The following SPRED2 variants were observed in gnomAD, a reference collection of about 807,000 sequenced individuals.
SPRED2 encodes the protein sprouty-related, EVH1 domain-containing protein 2.
A neutral mutation model predicts 43.0 loss-of-function variants in SPRED2; 47 were observed. The observed-to-expected ratio is 1.09, with a 90% CI of 0.87 to 1.40. The LOEUF (loss-of-function observed/expected upper bound fraction) is 1.40. Ranked by LOEUF, SPRED2 falls within the 40% of genes most tolerant of loss-of-function variation. The pLI is 0.00. For missense variants in SPRED2, 561 were observed against 586.4 expected, an observed-to-expected ratio of 0.96 and a Z score of 0.45; for synonymous variants, 225 against 225.7, an observed-to-expected ratio of 1.00 and a Z score of 0.03.
rs367730698 is a variant in SPRED2, at chr2:65,383,831, A to G, written c.27-38935T>C. Among the ~76,000 whole-genome samples the G allele has an allele frequency of 3.9e-4, 59 of 152,340 alleles. No homozygotes were observed. In the South Asian group the frequency reaches 4.1e-3, roughly 11 times the overall value. On this transcript the variant is annotated intron_variant, in intron 1 of 5. Coordinates refer to ENST00000356388, the MANE Select transcript of SPRED2 (RefSeq NM_181784.3). ...GGAGCCCAGCCTCAAACTCAGAGGA[A>G]ATAGGCAAGTTATAAAAACAGGAAG...
At chr2:65,428,660 T>C (rs1676608794) in intron 1 of SPRED2, among the ~76,000 whole-genome samples, 1 of 152,118 alleles carries the variant, frequency 6.6e-6, no homozygotes, top group African/African-American at 2.4e-5. Flanking sequence ...TTAGGGAAAA[T>C]ATGACTGAAA....
chr2:65,354,312 T>C (rs1674586690), intron 1 of SPRED2, among the ~76,000 whole-genome samples: 2 of 152,306 alleles, frequency 1.3e-5, no homozygotes, highest in African/African-American at 4.8e-5. Context: ...AAATAGAAGG[T>C]GGTGATACCC....
chr2:65,398,501 C>T (rs539044010), intron 1 of SPRED2, among the ~76,000 whole-genome samples: 1 of 151,962 alleles, frequency 6.6e-6, no homozygotes, highest in South Asian at 2.1e-4. Flanking sequence ...GGACTAATAT[C>T]CAGAATCTAT....
chr2:65,322,254 CTCTCTCTCTCTCTCTCTATA>C (rs1377508794), intron 4 of SPRED2, among the ~76,000 whole-genome samples: 12 of 76,870 alleles, frequency 1.6e-4, no homozygotes, highest in African/African-American at 5.6e-4. Flanking sequence ...CTCTCTCTCT[CTCTCTCTCTCTCTCTCTATA>C]TATATATATA....
downstream of SPRED2, among the ~76,000 whole-genome samples, chr2:65,309,225 G>C (rs1201091804): frequency 6.6e-6 from 1 of 151,820 alleles, no homozygotes; most frequent in Non-Finnish European, 1.5e-5. Flanking sequence ...GAAAGGGCCA[G>C]GCATGGTGGT....
intron 1 of SPRED2, among the ~76,000 whole-genome samples, chr2:65,408,777 C>T (rs1676086316): frequency 6.6e-6 from 1 of 152,226 alleles, no homozygotes; most frequent in African/African-American, 2.4e-5. Context: ...GATGGGGTTC[C>T]ACTATACTGG....
At chr2:65,321,606 AAAC>A (rs1388678913) in intron 4 of SPRED2, among the ~76,000 whole-genome samples, 1 of 152,114 alleles carries the variant, frequency 6.6e-6, no homozygotes, top group African/African-American at 2.4e-5. Context: ...ACAATGCTAA[AAAC>A]AACAGGGTCT....
chr2:65,337,374 G>A (rs1345471831), intron 2 of SPRED2, among the ~76,000 whole-genome samples: 2 of 151,676 alleles, frequency 1.3e-5, no homozygotes, highest in Non-Finnish European at 2.9e-5. Flanking sequence ...GATGCATACG[G>A]AGAAAAAAAG....
chr2:65,354,610 T>C (rs1306513629), intron 1 of SPRED2, among the ~76,000 whole-genome samples: 1 of 151,620 alleles, frequency 6.6e-6, no homozygotes, highest in Non-Finnish European at 1.5e-5. Flanking sequence ...ATTTAATCTA[T>C]CAAAAATGTC....
At chr2:65,378,957 G>C (rs1351245432) in intron 1 of SPRED2, among the ~76,000 whole-genome samples, 1 of 152,170 alleles carries the variant, frequency 6.6e-6, no homozygotes, top group Non-Finnish European at 1.5e-5. Context: ...AGAAAGGACA[G>C]GGGCAGCTGG....
At chr2:65,320,098 C>A (rs542931802) in intron 4 of SPRED2, among the ~76,000 whole-genome samples, 1 of 152,304 alleles carries the variant, frequency 6.6e-6, no homozygotes, top group African/African-American at 2.4e-5. Context: ...TACTACAGAT[C>A]TCAATAAATA....
In SPRED2 at chr2:65,381,838, G is replaced by A. The variant is rs558906307; in HGVS notation, c.27-36942C>T. On this transcript the variant is annotated intron_variant, in intron 1 of 5. Transcript: ENST00000356388. ...CAACATGAGACTCCTCCTTGCAACA[G>A]GGAATTACTTGGGGGCTTTCAGACA... Among the ~76,000 whole-genome samples, 38 of 152,310 alleles carry A rather than the reference G, an allele frequency of 2.5e-4. 1 individual carries two copies. Among genetic ancestry groups the A allele is most frequent in the Admixed American group, 2.4e-3 (37 of 15,296 alleles).
chr2:65,342,175 G>GTATGTATATTTTATATACGTATAT (rs1674205428), intron 2 of SPRED2, among the ~76,000 whole-genome samples: 1 of 147,268 alleles, frequency 6.8e-6, no homozygotes, highest in African/African-American at 2.5e-5. Context: ...CATATATTAT[G>GTATGTATATTTTATATACGTATAT]TATGTATATT....
At chr2:65,325,576 C>T (rs1673586584) in intron 4 of SPRED2, among the ~76,000 whole-genome samples, 1 of 152,060 alleles carries the variant, frequency 6.6e-6, no homozygotes, top group African/African-American at 2.4e-5. Flanking sequence ...TGTGCAATGC[C>T]TCTCACCTGC....
chr2:65,429,119 A>G (rs1558695821), intron 1 of SPRED2, among the ~76,000 whole-genome samples: 1 of 152,224 alleles, frequency 6.6e-6, no homozygotes, highest in Non-Finnish European at 1.5e-5. Flanking sequence ...TTAAATTGAC[A>G]TGGAAAACAA....
chr2:65,355,216 A>G (rs1327769718), intron 1 of SPRED2, among the ~76,000 whole-genome samples: 1 of 152,174 alleles, frequency 6.6e-6, no homozygotes, highest in Non-Finnish European at 1.5e-5. Flanking sequence ...TTCCTAGTCA[A>G]CCAGTTAGGG....
In SPRED2 at chr2:65,344,703, G is replaced by A; in HGVS notation, c.204+16C>T. 3 of 1,613,104 alleles carry A rather than the reference G, an allele frequency of 1.9e-6. No homozygotes were observed. Among genetic ancestry groups the A allele is most frequent in the Non-Finnish European group, 2.5e-6 (3 of 1,179,102 alleles). On this transcript the variant is annotated intron_variant, in intron 2 of 5. Transcript: ENST00000356388. ...TTGTTACTAATTTAACCCACGAGTT[G>A]TATGTCTGCCATTACCAGTTTGTCT...
At chr2:65,310,458 TAC>T (rs55916427), downstream of SPRED2, among the ~76,000 whole-genome samples, 24,919 of 137,568 alleles carry the variant, frequency 0.18, 2,083 homozygotes, top group Middle Eastern at 0.22. Flanking sequence ...TCCTCCAAAC[TAC>T]ACACACACAC....
intron 1 of SPRED2, among the ~76,000 whole-genome samples, chr2:65,410,030 GAA>G (rs778669871): frequency 7.7e-5 from 8 of 104,344 alleles, no homozygotes; most frequent in Admixed American, 2.1e-4. Flanking sequence ...CTCTGCCTCG[GAA>G]AAAAAAAAAA....
Sources: gnomAD v4.1 joint callset for allele counts (sites outside exome capture counted in the v4.1 genomes callset) on GRCh38, gnomAD v4.1.1 for gene constraint, MANE v1.5 for transcripts, NCBI Gene and HGNC (gene_info 2026-07-23, HGNC 2026-07-21) for gene names.